DNAJB4: variants seen among roughly 807,000 people sequenced by gnomAD.
The protein encoded by DNAJB4 is DnaJ heat shock protein family (Hsp40) member B4.
A neutral mutation model predicts 26.6 loss-of-function variants in DNAJB4; 10 were observed. The ratio of observed to expected loss-of-function variants is 0.38; its 90% CI spans 0.23 to 0.64. The LOEUF is 0.64. Among genes scored for constraint, DNAJB4 ranks in the 30% least tolerant of loss-of-function variants. The pLI, the probability that DNAJB4 is intolerant of heterozygous loss-of-function variation, is 0.58. For missense variants in DNAJB4, 328 were observed against 408.2 expected, an observed-to-expected ratio of 0.80 and a Z score of 1.69; for synonymous variants, 136 against 134.8, an observed-to-expected ratio of 1.01 and a Z score of -0.06.
intron 1 of DNAJB4, among the ~76,000 whole-genome samples, chr1:77,983,601 A>C (rs1241197247): frequency 6.6e-6 from 1 of 152,194 alleles, no homozygotes; most frequent in East Asian, 1.9e-4. Context: ...TCTTAAGGAG[A>C]GTGCTGCCTT....
chr1:78,011,725 C>A (rs1000066176), intron 1 of DNAJB4, among the ~76,000 whole-genome samples: 1 of 151,872 alleles, frequency 6.6e-6, no homozygotes, highest in Non-Finnish European at 1.5e-5. Context: ...CTCAAGTGAT[C>A]CACCCGACTC....
At chr1:77,987,409 A>C (rs1347105115) in intron 1 of DNAJB4, among the ~76,000 whole-genome samples, 2 of 152,166 alleles carry the variant, frequency 1.3e-5, no homozygotes, top group African/African-American at 2.4e-5. Flanking sequence ...GACTACAGGC[A>C]TGCATCAGCA....
intron 1 of DNAJB4, among the ~76,000 whole-genome samples, chr1:77,985,263 T>G (rs913529007): frequency 2.1e-4 from 32 of 152,252 alleles, no homozygotes; most frequent in African/African-American, 7.2e-4. Context: ...ATTTTGTTGT[T>G]TTTTAGTGGA....
At chr1:77,981,940 A>G (rs1487098620) in intron 1 of DNAJB4, among the ~76,000 whole-genome samples, 1 of 152,178 alleles carries the variant, frequency 6.6e-6, no homozygotes, top group African/African-American at 2.4e-5. Flanking sequence ...TAGGAAATAG[A>G]TTATTAATTT....
chr1:77,988,641 CTCCTT>C (rs1231403280), intron 1 of DNAJB4, among the ~76,000 whole-genome samples: 1 of 152,178 alleles, frequency 6.6e-6, no homozygotes, highest in Non-Finnish European at 1.5e-5. Flanking sequence ...CATAGCTTTC[CTCCTT>C]TCCTTTCAGA....
At position 78,005,141 on chromosome 1, in the gene DNAJB4, A is replaced by T; in HGVS notation, c.31A>T (p.Ile11Phe). 1 of 1,613,906 alleles carries T rather than the reference A, an allele frequency of 6.2e-7. No homozygotes were observed. The highest frequency in any genetic ancestry group is 8.5e-7 in the Non-Finnish European group (1 of 1,179,924). Reference sequence around the variant, plus strand: ...GAAAGACTATTATTGCATTTTGGGAATTGAGAAAGGAGCTTCAGATGAAGA... The same window carrying T: ...GAAAGACTATTATTGCATTTTGGGATTTGAGAAAGGAGCTTCAGATGAAGA... MGKDYYCILGIEKGASDEDIK... is the reference protein window; with the variant it reads MGKDYYCILGFEKGASDEDIK... The change falls in exon 1 of 3, where the codon ATT becomes TTT. Residue 11 changes from isoleucine (I) to phenylalanine (F), a missense_variant. Ile to Phe is a conservative substitution (Grantham distance 21). Coordinates refer to ENST00000370763, the MANE Select transcript of DNAJB4 (RefSeq NM_007034.5).
upstream of DNAJB4, among the ~76,000 whole-genome samples, chr1:78,002,247 T>C (rs1660210014): frequency 6.6e-6 from 1 of 152,178 alleles, no homozygotes; most frequent in African/African-American, 2.4e-5. Context: ...ACTCTTCCTG[T>C]TTTTGTCATA....
intron 1 of DNAJB4, among the ~76,000 whole-genome samples, chr1:78,007,356 C>T (rs186196168): frequency 1.7e-3 from 262 of 152,062 alleles, no homozygotes; most frequent in African/African-American, 6.2e-3. Context: ...CCGAGACAGG[C>T]GATCACCTGA....
chr1:78,016,120 A>T lies in DNAJB4; in HGVS notation c.887A>T (p.Tyr296Phe). 1 of 1,614,124 alleles carries T rather than the reference A, an allele frequency of 6.2e-7. No individual in the cohort carries two copies. The highest frequency in any genetic ancestry group is 8.5e-7 in the Non-Finnish European group (1 of 1,180,006). Reference sequence around the variant, plus strand: ...GGAATGAGGAGAAGAATTATTGGATATGGGCTGCCATTTCCAAAAAATCCT... The same window carrying T: ...GGAATGAGGAGAAGAATTATTGGATTTGGGCTGCCATTTCCAAAAAATCCT... ...KPGMRRRIIG[Y>F]GLPFPKNPDQ... The change falls in exon 3 of 3, where the codon TAT becomes TTT. Residue 296 changes from tyrosine to phenylalanine, a missense_variant. Coordinates refer to ENST00000370763, the MANE Select transcript of DNAJB4 (RefSeq NM_007034.5).
chr1:77,996,424 G>C (rs1326418826), intron 1 of DNAJB4, among the ~76,000 whole-genome samples: 1 of 151,960 alleles, frequency 6.6e-6, no homozygotes, highest in African/African-American at 2.4e-5. Context: ...TAAAGTGCTG[G>C]GATTACAGGT....
At position 78,009,558 on chromosome 1, in the gene DNAJB4, T is replaced by C. The variant is rs948090199; in HGVS notation, c.212-3493T>C. The stretch of plus-strand genomic sequence containing the variant: ...GAATAGCAGAGGGAATCCAATTGGA[T>C]ATTAAACATTTCCATTAGCGTTCAA... On this transcript the variant is annotated intron_variant, in intron 1 of 2. Coordinates refer to ENST00000370763, the MANE Select transcript of DNAJB4 (RefSeq NM_007034.5). 4.6e-5 allele frequency among the ~76,000 whole-genome samples: 7 copies of C among 152,236 alleles called. No homozygotes were observed. The South Asian group carries it at 1.0e-3, about 23-fold the overall frequency.
chr1:77,987,468 T>C (rs1659820608), intron 1 of DNAJB4, among the ~76,000 whole-genome samples: 1 of 152,208 alleles, frequency 6.6e-6, no homozygotes, highest in East Asian at 1.9e-4. Context: ...TCTCGCTATG[T>C]TGCCTAGGCT....
chr1:78,014,088 T>A (rs1391394067), intron 2 of DNAJB4, among the ~76,000 whole-genome samples: 1 of 152,040 alleles, frequency 6.6e-6, no homozygotes, highest in African/African-American at 2.4e-5. Context: ...TGCTACTATG[T>A]TAATACAATT....
chr1:77,979,808 C>A (rs1226310382), upstream of DNAJB4, among the ~76,000 whole-genome samples: 1 of 152,098 alleles, frequency 6.6e-6, no homozygotes, highest in Non-Finnish European at 1.5e-5. Flanking sequence ...CGTGATTGTT[C>A]TTAAAGTTCA....
In DNAJB4 at chr1:78,005,334, T is replaced by C. The variant is rs763725322; in HGVS notation, c.211+13T>C. The stretch of plus-strand genomic sequence containing the variant: ...TTTGGGGAGGAAGGTAAGTATTCTC[T>C]GTATATCTTTCTGTCTCTTCAGCTC... On this transcript the variant is annotated intron_variant, in intron 1 of 2. Coordinates refer to ENST00000370763, the MANE Select transcript of DNAJB4 (RefSeq NM_007034.5). 6.3e-7 allele frequency: 1 copy of C among 1,594,140 alleles called. No homozygotes were observed. The highest frequency in any genetic ancestry group is 1.4e-5 in the African/African-American group (1 of 73,282).
intron 2 of DNAJB4, among the ~76,000 whole-genome samples, chr1:78,015,435 T>G: frequency 7.8e-6 from 1 of 128,000 alleles, no homozygotes; most frequent in Admixed American, 8.9e-5. Context: ...CTCTTTTACC[T>G]TTTCTTTTCT....
chr1:78,014,344 G>T (rs1036756694), intron 2 of DNAJB4, among the ~76,000 whole-genome samples: 9 of 152,006 alleles, frequency 5.9e-5, no homozygotes, highest in African/African-American at 2.2e-4. Flanking sequence ...CTGACCTCAG[G>T]TGATCCACTT....
chr1:77,980,391 T>G (rs1659547619), intron 1 of DNAJB4: 2 of 151,790 alleles, frequency 1.3e-5, no homozygotes, highest in South Asian at 4.2e-4. Flanking sequence ...GTATTTTATG[T>G]TATGTACTTC....
intron 1 of DNAJB4, among the ~76,000 whole-genome samples, chr1:77,983,390 A>T (rs565357358): frequency 2.6e-5 from 4 of 152,156 alleles, no homozygotes; most frequent in Non-Finnish European, 4.4e-5. Context: ...CCTTCCTCTT[A>T]TACTAATCCT....
Sources: allele counts gnomAD v4.1 joint callset (sites outside exome capture counted in the v4.1 genomes callset), GRCh38; gene constraint gnomAD v4.1.1; transcripts MANE v1.5; gene names NCBI Gene and HGNC (gene_info 2026-07-23, HGNC 2026-07-21).